Variants in RIMS2 observed in about 807,000 individuals in gnomAD.
RIMS2 encodes regulating synaptic membrane exocytosis 2.
Under a neutral mutation model 174.4 loss-of-function variants are expected in RIMS2, and 59 were observed. The ratio of observed to expected loss-of-function variants is 0.34; its 90% CI spans 0.27 to 0.42. The LOEUF is 0.42. RIMS2 is among the 10% of genes least tolerant of loss of function. The pLI is 1.00. For synonymous variants in RIMS2, 606 were observed against 572.5 expected, an observed-to-expected ratio of 1.06 and a Z score of -0.84; for missense variants, 1,620 against 1,666.3, an observed-to-expected ratio of 0.97 and a Z score of 0.48.
At chr8:103,774,742 G>T (rs550736081) in intron 3 of RIMS2, among the ~76,000 whole-genome samples, 2 of 152,236 alleles carry the variant, frequency 1.3e-5, no homozygotes, top group Admixed American at 6.5e-5. Flanking sequence ...CTATAGAAAA[G>T]AAATCATAAC....
intron 19 of RIMS2, among the ~76,000 whole-genome samples, chr8:104,124,700 C>T (rs2098414354): frequency 6.6e-6 from 1 of 151,998 alleles, no homozygotes; most frequent in Non-Finnish European, 1.5e-5. Context: ...CCAATTGGAC[C>T]ATATAATTCA....
At chr8:103,742,751 T>G (rs1192758763) in intron 2 of RIMS2, among the ~76,000 whole-genome samples, 1 of 152,150 alleles carries the variant, frequency 6.6e-6, no homozygotes, top group Non-Finnish European at 1.5e-5. Context: ...AGAGATGGTT[T>G]CATGCTGTTT....
chr8:103,834,742 T>TTCTC (rs780656073), intron 3 of RIMS2, among the ~76,000 whole-genome samples: 25 of 109,588 alleles, frequency 2.3e-4, no homozygotes, highest in Non-Finnish European at 4.0e-4. Context: ...CTTTCTTTCT[T>TTCTC]TCTCTCTCTT....
intron 19 of RIMS2, among the ~76,000 whole-genome samples, chr8:104,173,842 C>G (rs1324477493): frequency 6.0e-5 from 9 of 150,960 alleles, no homozygotes; most frequent in Admixed American, 5.9e-4. Flanking sequence ...GTTAGCCAGG[C>G]TCTTCTGATT....
intron 19 of RIMS2, among the ~76,000 whole-genome samples, chr8:104,119,188 AC>A (rs201658336): frequency 0.024 from 3,551 of 149,216 alleles, 117 homozygotes; most frequent in African/African-American, 0.07. Flanking sequence ...CTACTTAAAA[AC>A]AAAAAAAAAA....
At chr8:103,713,127 T>G (rs2097327940) in intron 2 of RIMS2, among the ~76,000 whole-genome samples, 1 of 152,174 alleles carries the variant, frequency 6.6e-6, no homozygotes, top group African/African-American at 2.4e-5. Flanking sequence ...CAAGTGATTC[T>G]CCTGCCTCAG....
At chr8:103,625,555 A>G (rs779130415) in intron 1 of RIMS2, among the ~76,000 whole-genome samples, 1 of 152,198 alleles carries the variant, frequency 6.6e-6, no homozygotes, top group Non-Finnish European at 1.5e-5. Flanking sequence ...AGTCCTCACA[A>G]CAACATATAA....
intron 2 of RIMS2, among the ~76,000 whole-genome samples, chr8:103,723,647 T>C (rs2097485199): frequency 6.6e-6 from 1 of 152,334 alleles, no homozygotes; most frequent in African/African-American, 2.4e-5. Context: ...GCATGGAGTC[T>C]GTGTCCACAG....
chr8:104,148,307 T>C (rs2098660330), intron 19 of RIMS2, among the ~76,000 whole-genome samples: 1 of 151,688 alleles, frequency 6.6e-6, no homozygotes, highest in African/African-American at 2.4e-5. Flanking sequence ...CAGGACAGCA[T>C]AGTGTCTTAA....
At chr8:103,556,759 G>T (rs1044846114) in intron 1 of RIMS2, among the ~76,000 whole-genome samples, 1 of 151,986 alleles carries the variant, frequency 6.6e-6, no homozygotes, top group African/African-American at 2.4e-5. Flanking sequence ...TGTTTTCTTG[G>T]TATACCACAT....
rs555043471 is a variant in RIMS2, at chr8:103,853,526, G to A, written c.699-31772G>A. On this transcript the variant is annotated intron_variant, in intron 3 of 23. Coordinates refer to ENST00000504942, the Ensembl canonical transcript of RIMS2. The stretch of plus-strand genomic sequence containing the variant: ...TTTTAATAGTTTGAGGTCTTACATT[G>A]AACTCTTTAATCCATCTTGAGTTAA... 2.0e-5 allele frequency among the ~76,000 whole-genome samples: 3 copies of A among 152,034 alleles called. No homozygotes were observed. In the South Asian group the frequency reaches 6.2e-4, roughly 32 times the overall value.
intron 2 of RIMS2, among the ~76,000 whole-genome samples, chr8:103,720,332 ATAT>A (rs2097429965): frequency 6.6e-6 from 1 of 152,186 alleles, no homozygotes; most frequent in South Asian, 2.1e-4. Flanking sequence ...TAAATTAAGT[ATAT>A]GTAATTTAGC....
intron 4 of RIMS2, among the ~76,000 whole-genome samples, chr8:103,889,658 C>A (rs1391703394): frequency 6.6e-6 from 1 of 151,468 alleles, no homozygotes; most frequent in Non-Finnish European, 1.5e-5. Flanking sequence ...TCTCTGCTGT[C>A]CTTTTGGATA....
In RIMS2 at chr8:103,785,110, C is replaced by T. The variant is rs1285907459; in HGVS notation, c.698+18573C>T. 2.2e-4 allele frequency among the ~76,000 whole-genome samples: 32 copies of T among 142,342 alleles called. 4 individuals are homozygous for T. The highest frequency in any genetic ancestry group is 1.8e-4 in the Non-Finnish European group (12 of 65,348). 93.4% of individuals were successfully genotyped at this position (142,342 alleles called of 152,430 possible). The stretch of plus-strand genomic sequence containing the variant: ...CGTAAGAATGCTTGTGATTTTTGTA[C>T]ATTGATTTTGTATCCTGAGACTTTG... On this transcript the variant is annotated intron_variant, in intron 3 of 23. Transcript: ENST00000504942.
chr8:104,093,861 A>G (rs983165807), intron 19 of RIMS2, among the ~76,000 whole-genome samples: 1 of 152,070 alleles, frequency 6.6e-6, no homozygotes. Flanking sequence ...AATTTTGCTT[A>G]CTACATCACT....
At chr8:103,720,367 A>C (rs1412272094) in intron 2 of RIMS2, among the ~76,000 whole-genome samples, 1 of 152,206 alleles carries the variant, frequency 6.6e-6, no homozygotes, top group Non-Finnish European at 1.5e-5. Context: ...AGTATTTTTC[A>C]AATTACATCA....
chr8:104,138,892 A>G (rs2098543998), intron 19 of RIMS2, among the ~76,000 whole-genome samples: 1 of 152,144 alleles, frequency 6.6e-6, no homozygotes, highest in African/African-American at 2.4e-5. Context: ...GTAGTTTCAT[A>G]ATTTGAGGTC....
At chr8:103,940,472 G>A (rs1251024514) in intron 13 of RIMS2, among the ~76,000 whole-genome samples, 2 of 152,022 alleles carry the variant, frequency 1.3e-5, no homozygotes, top group African/African-American at 4.8e-5. Flanking sequence ...ATGAGATTTG[G>A]GTGGGAACAC....
intron 17 of RIMS2, among the ~76,000 whole-genome samples, chr8:104,001,142 TAGAA>T (rs1397400092): frequency 2.0e-5 from 3 of 151,740 alleles, no homozygotes; most frequent in Admixed American, 6.6e-5. Flanking sequence ...CTTTGCTAGA[TAGAA>T]GGAATAAAAT....
Sources: allele counts gnomAD v4.1 joint callset (sites outside exome capture counted in the v4.1 genomes callset), GRCh38; gene constraint gnomAD v4.1.1; transcripts MANE v1.5; gene names NCBI Gene and HGNC (gene_info 2026-07-23, HGNC 2026-07-21).